OR9Q1: variants seen among roughly 807,000 people sequenced by gnomAD.
OR9Q1 encodes olfactory receptor family 9 subfamily Q member 1.
For synonymous variants in OR9Q1, 153 were observed against 148.6 expected, an observed-to-expected ratio of 1.03 and a Z score of -0.22; for missense variants, 374 against 378.8, an observed-to-expected ratio of 0.99 and a Z score of 0.11.
In OR9Q1 at chr11:58,179,595, A is replaced by T. The variant is rs1376973029; in HGVS notation, c.151A>T (p.Met51Leu). 6.2e-7 allele frequency: 1 copy of T among 1,613,520 alleles called. No individual in the cohort carries two copies. The highest frequency in any genetic ancestry group is 8.5e-7 in the Non-Finnish European group (1 of 1,179,564). ...CTTAGAGATGATTATTCTGATCCTC[A>T]TGGATCACCAGCTCCACGCTCCAAT... ...GNLEMIILIL[M>L]DHQLHAPMYF... is the part of the protein sequence containing the mutation. The change falls in exon 3 of 3, where the codon ATG (methionine) becomes TTG (leucine). Residue 51 changes from methionine (M) to leucine (L), a missense_variant. By Grantham distance (15) the Met-to-Leu change is conservative. Transcript: ENST00000335397.
chr11:58,143,274 A>G (rs1474725404), intron 2 of OR9Q1, among the ~76,000 whole-genome samples: 5 of 152,220 alleles, frequency 3.3e-5, no homozygotes, highest in African/African-American at 1.2e-4. Flanking sequence ...TGTAATCCTC[A>G]TTTAACCAAG....
At chr11:58,039,940 A>C (rs1336294380) in intron 1 of OR9Q1, among the ~76,000 whole-genome samples, 5 of 152,242 alleles carry the variant, frequency 3.3e-5, no homozygotes, top group Non-Finnish European at 7.3e-5. Flanking sequence ...GTTCTGTGCC[A>C]GGTACTTTCC....
chr11:58,037,689 ATTTTTTTTTTTTTTTTTTTTTTTT>A (rs554392577), intron 1 of OR9Q1, among the ~76,000 whole-genome samples: 1 of 6,998 alleles, frequency 1.4e-4, no homozygotes, highest in African/African-American at 4.3e-4. Flanking sequence ...ATATATATAT[ATTTTTTTTTTTTTTTTTTTTTTTT>A]TTTTTTTTTT....
At chr11:58,043,002 C>G (rs545824073) in intron 1 of OR9Q1, among the ~76,000 whole-genome samples, 20 of 152,194 alleles carry the variant, frequency 1.3e-4, no homozygotes, top group African/African-American at 4.8e-4. Context: ...ATTTTATATC[C>G]TGAGACTTTG....
At chr11:58,160,853 C>T (rs1276729008) in intron 2 of OR9Q1, among the ~76,000 whole-genome samples, 2 of 152,090 alleles carry the variant, frequency 1.3e-5, no homozygotes, top group Admixed American at 1.3e-4. Flanking sequence ...CCTCAACAAC[C>T]ATTTTGTAAT....
At chr11:58,157,691 G>T in intron 2 of OR9Q1, among the ~76,000 whole-genome samples, 1 of 152,316 alleles carries the variant, frequency 6.6e-6, no homozygotes, top group East Asian at 1.9e-4. Flanking sequence ...AGCCCATCCT[G>T]TTCAGAAAGA....
intron 2 of OR9Q1, chr11:58,075,436 A>T (rs1221488191): frequency 6.6e-6 from 1 of 152,254 alleles, no homozygotes; most frequent in Admixed American, 6.5e-5. Flanking sequence ...GGTGCACGGC[A>T]GCTGTGCCCC....
intron 2 of OR9Q1, among the ~76,000 whole-genome samples, chr11:58,151,923 T>TAGAA (rs1854356947): frequency 6.6e-6 from 1 of 152,022 alleles, no homozygotes. Flanking sequence ...GGAATTGGGG[T>TAGAA]AGAAAGACAC....
chr11:58,081,571 A>G (rs571512890), intron 2 of OR9Q1, among the ~76,000 whole-genome samples: 1 of 152,306 alleles, frequency 6.6e-6, no homozygotes, highest in Non-Finnish European at 1.5e-5. Flanking sequence ...ATGACCAGTG[A>G]TGATGAGCTT....
Position 58,179,856 on chromosome 11 carries a change from C to T in OR9Q1, c.412C>T (p.Gln138Ter). The change falls in exon 3 of 3, where the codon CAG (glutamine) becomes TAG (stop). Residue 138 changes from glutamine to a stop codon, truncating the protein, a stop_gained. Coordinates refer to ENST00000335397, the MANE Select transcript of OR9Q1 (RefSeq NM_001005212.4). LOFTEE classifies it low-confidence loss of function (END_TRUNC). ...QPLLYVTILT[Q>*]QARLSLVAGA... is the part of the protein sequence containing the mutation. ...CCTGCTTTATGTCACCATCCTGACA[C>T]AGCAGGCCCGCTTGAGTCTTGTGGC... 2.5e-6 allele frequency: 4 copies of T among 1,614,164 alleles called. No homozygotes were observed. Among genetic ancestry groups the T allele is most frequent in the Non-Finnish European group, 2.5e-6 (3 of 1,180,006 alleles).
At chr11:58,156,458 A>G (rs969626762) in intron 2 of OR9Q1, among the ~76,000 whole-genome samples, 1 of 152,168 alleles carries the variant, frequency 6.6e-6, no homozygotes, top group Non-Finnish European at 1.5e-5. Flanking sequence ...GTTCAAATTA[A>G]AAGTCGATGT....
intron 2 of OR9Q1, among the ~76,000 whole-genome samples, chr11:58,174,153 A>G (rs1854581281): frequency 6.6e-6 from 1 of 152,166 alleles, no homozygotes. Flanking sequence ...GAGCTTGACT[A>G]TGTGGCTTGC....
intron 2 of OR9Q1, among the ~76,000 whole-genome samples, chr11:58,070,200 G>A (rs533669484): frequency 6.6e-5 from 10 of 150,938 alleles, no homozygotes; most frequent in Non-Finnish European, 1.0e-4. Flanking sequence ...TAGTGGTGAT[G>A]GGTGGGGGTT....
intron 1 of OR9Q1, chr11:58,041,037 G>A (rs1190691442): frequency 6.6e-6 from 1 of 152,520 alleles, no homozygotes; most frequent in Admixed American, 6.5e-5. Context: ...CAGGCAGCCG[G>A]CAGGTGGGGA....
intron 2 of OR9Q1, among the ~76,000 whole-genome samples, chr11:58,170,652 A>G (rs1225444132): frequency 6.6e-6 from 1 of 152,048 alleles, no homozygotes; most frequent in African/African-American, 2.4e-5. Flanking sequence ...GTTCCCCCAT[A>G]CTGTTCTCTT....
intron 2 of OR9Q1, among the ~76,000 whole-genome samples, chr11:58,057,384 C>T (rs1455177966): frequency 6.6e-6 from 1 of 152,100 alleles, no homozygotes; most frequent in Non-Finnish European, 1.5e-5. Flanking sequence ...AGACTCAGCT[C>T]TTCCTCTAGC....
intron 2 of OR9Q1, among the ~76,000 whole-genome samples, chr11:58,170,918 A>G (rs957394103): frequency 1.3e-5 from 2 of 152,180 alleles, no homozygotes; most frequent in Non-Finnish European, 2.9e-5. Context: ...TTAGAAGTTC[A>G]ATTAGTTCCT....
intron 1 of OR9Q1, chr11:58,031,522 C>A (rs1853038644): frequency 5.0e-6 from 8 of 1,614,132 alleles, no homozygotes; most frequent in Non-Finnish European, 6.8e-6. Flanking sequence ...CCTTGCTAGC[C>A]TTGTCGTGCT....
chr11:58,043,056 TG>T (rs1251470300), intron 1 of OR9Q1, among the ~76,000 whole-genome samples: 2 of 152,168 alleles, frequency 1.3e-5, no homozygotes, highest in African/African-American at 4.8e-5. Flanking sequence ...GCTGAGACAA[TG>T]GGGTTTTCTA....
Sources: gnomAD v4.1 joint callset for allele counts (sites outside exome capture counted in the v4.1 genomes callset) on GRCh38, gnomAD v4.1.1 for gene constraint, MANE v1.5 for transcripts, NCBI Gene and HGNC (gene_info 2026-07-23, HGNC 2026-07-21) for gene names.